Variants in RBM42 observed in about 807,000 individuals in gnomAD.
RBM42 encodes the protein RNA binding motif protein 42.
Under a neutral mutation model 41.4 loss-of-function variants are expected in RBM42, and 21 were observed. That is an observed-to-expected ratio of 0.51 (90% CI 0.36 to 0.73). The LOEUF (loss-of-function observed/expected upper bound fraction) is 0.73, where lower values mean the gene tolerates loss of function less well. Ranked by LOEUF, RBM42 falls within the 30% of genes least tolerant of loss-of-function variation. The pLI, the probability that RBM42 is intolerant of heterozygous loss-of-function variation, is 0.00. For missense variants in RBM42, 539 were observed against 680.4 expected (o/e 0.79, Z 2.31); for synonymous variants, 272 against 271.2 (o/e 1.00, Z -0.03).
chr19:35,633,789 A>C lies in RBM42; in HGVS notation c.787A>C (p.Ser263Arg). 6.7e-7 allele frequency: 1 copy of C among 1,500,298 alleles called. No homozygotes were observed. Among genetic ancestry groups the C allele is most frequent in the Non-Finnish European group, 8.8e-7 (1 of 1,132,096 alleles). The allele number at this position is 1,500,298 out of a possible 1,614,324, so 92.9% of individuals were successfully genotyped here. ...VAAAAGLEEASAAVAVGAGGA... is the reference protein window; with the variant it reads ...VAAAAGLEEARAAVAVGAGGA... Reference sequence around the variant, plus strand: ...GGCGGCGGCTGGGCTGGAGGAGGCTAGCGCGGCTGTGGCCGTGGGGGCAGG... The same window carrying C: ...GGCGGCGGCTGGGCTGGAGGAGGCTCGCGCGGCTGTGGCCGTGGGGGCAGG... The change falls in exon 7 of 10, where the codon AGC (serine) becomes CGC (arginine). Residue 263 changes from serine to arginine, a missense_variant. Coordinates refer to ENST00000262633, the MANE Select transcript of RBM42 (RefSeq NM_024321.5).
Position 35,629,503 on chromosome 19 carries a change from C to T in RBM42, c.129-17C>T, listed in dbSNP as rs2146347717. ...GGTACGAGGTCCTGAGCGCTGATGT[C>T]TGTTCTACTCCTCCAGGTTTGAGCA... On this transcript the variant is annotated splice_polypyrimidine_tract_variant and intron_variant, in intron 1 of 9. Transcript: ENST00000262633. 5 of 1,613,850 alleles carry T rather than the reference C, an allele frequency of 3.1e-6. No individual in the cohort carries two copies. Among genetic ancestry groups the T allele is most frequent in the Non-Finnish European group, 3.4e-6 (4 of 1,179,842 alleles).
intron 7 of RBM42, 66 bp from the exon 8 acceptor site, chr19:35,634,190 G>C: frequency 6.3e-7 from 1 of 1,576,312 alleles, no homozygotes; most frequent in Non-Finnish European, 8.7e-7. Context: ...CAGGAGGGCC[G>C]GGGACCAAAG....
chr19:35,637,636 A>G lies in RBM42; in HGVS notation c.*82A>G. ...CTCTTTGGAAAACCCCCAGCTGTCCACCCATCCCCTGCCCCAAAACCAGTT... is the reference window on the plus strand; with the variant it reads ...CTCTTTGGAAAACCCCCAGCTGTCCGCCCATCCCCTGCCCCAAAACCAGTT... On this transcript the variant is annotated 3_prime_UTR_variant, in exon 10 of 10. Coordinates refer to ENST00000262633, the MANE Select transcript of RBM42 (RefSeq NM_024321.5). This position sits in a 1 kb window ranked among gnomAD's most constrained non-coding sequence, Gnocchi z 7.0. The G allele has an allele frequency of 9.5e-7, 1 of 1,051,250 alleles. No individual in the cohort carries two copies. The highest frequency in any genetic ancestry group is 1.6e-5 in the African/African-American group (1 of 62,112). The allele number at this position is 1,051,250 out of a possible 1,614,324, so 65.1% of individuals were successfully genotyped here.
intron 7 of RBM42, 23 bp downstream of exon 7, chr19:35,634,042 A>G: frequency 6.8e-7 from 1 of 1,464,732 alleles, no homozygotes; most frequent in Non-Finnish European, 9.0e-7. Flanking sequence ...CCTAGCGGTG[A>G]AGGGACAGAA....
chr19:35,629,580 GCCCACTGTC>G lies in RBM42; in HGVS notation c.195_203del (p.Pro70_Val72del), dbSNP rs769283488. ...GAATCCCAACTGCTGTGCCTGCGGT[GCCCACTGTC>G]CCCACGGTCCCCACAGTAGAAGCGA... On this transcript the variant is annotated inframe_deletion, in exon 2 of 10. Coordinates refer to ENST00000262633, the MANE Select transcript of RBM42 (RefSeq NM_024321.5). 164 of 1,614,208 alleles carry G rather than the reference GCCCACTGTC, an allele frequency of 1.0e-4. No individual in the cohort carries two copies. The highest frequency in any genetic ancestry group is 1.5e-4 in the Admixed American group (9 of 60,028).
At position 35,634,031 on chromosome 19, in the gene RBM42, G is replaced by C. The variant is rs1242914293; in HGVS notation, c.1017+12G>C. 1.3e-6 allele frequency: 2 copies of C among 1,486,238 alleles called. No homozygotes were observed. Among genetic ancestry groups the C allele is most frequent in the African/African-American group, 2.8e-5 (2 of 71,214 alleles). 92.1% of individuals were successfully genotyped at this position (1,486,238 alleles called of 1,614,324 possible). On this transcript the variant is annotated intron_variant, in intron 7 of 9. Coordinates refer to ENST00000262633, the MANE Select transcript of RBM42 (RefSeq NM_024321.5). ...TCATGGCTCTTGAGGTAAGCAGGGA[G>C]CCTAGCGGTGAAGGGACAGAAGGGA... is the stretch of plus-strand genomic sequence containing the variant.
intron 5 of RBM42, 30 bp from the exon 6 acceptor site, chr19:35,633,047 C>A: frequency 6.2e-7 from 1 of 1,606,680 alleles, no homozygotes; most frequent in Non-Finnish European, 8.5e-7. Context: ...TCCCCCCAGG[C>A]CCTGGAACTC....
chr19:35,630,034 C>T (rs1365207430), intron 2 of RBM42, among the ~76,000 whole-genome samples: 1 of 152,078 alleles, frequency 6.6e-6, no homozygotes, highest in Non-Finnish European at 1.5e-5. Context: ...ATAGGCTGGG[C>T]GCTGGGCGTG....
intron 8 of RBM42, among the ~76,000 whole-genome samples, chr19:35,634,674 T>TA (rs34779413): frequency 1.1e-4 from 17 of 150,138 alleles, no homozygotes; most frequent in Admixed American, 4.0e-4. Flanking sequence ...TTTTTTTTTT[T>TA]ATGAGACAGA....
intron 2 of RBM42, among the ~76,000 whole-genome samples, 194 bp downstream of exon 2, chr19:35,629,867 A>G (rs2146347999): frequency 6.6e-6 from 1 of 152,344 alleles, no homozygotes. Context: ...ATTCTAGAAC[A>G]TGTTGTCCAG....
Position 35,637,275 on chromosome 19 carries a change from C to A in RBM42, c.1253C>A (p.Thr418Lys). The change falls in exon 9 of 10, where the codon ACA becomes AAA. Residue 418 changes from threonine (T) to lysine (K), a missense_variant. By Grantham distance (78) the Thr-to-Lys change is moderately conservative. Transcript: ENST00000262633. The surrounding 1 kb of genome is among the most constrained non-coding windows in gnomAD (Gnocchi z 7.0). The stretch of plus-strand genomic sequence containing the variant: ...GCCAAGGTGATCCGTGACAAGCGCA[C>A]AGGCAAGACCAAGGGCTACGGCTTC... ...LKAKVIRDKR[T>K]GKTKGYGFVS... The A allele has an allele frequency of 1.2e-6, 2 of 1,614,248 alleles. No individual in the cohort carries two copies. The highest frequency in any genetic ancestry group is 1.7e-6 in the Non-Finnish European group (2 of 1,180,050).
Position 35,633,884 on chromosome 19 carries a change from G to A in RBM42, c.882G>A (p.Glu294=), listed in dbSNP as rs1358324628. 6.3e-7 allele frequency: 1 copy of A among 1,595,320 alleles called. No individual in the cohort carries two copies. The highest frequency in any genetic ancestry group is 8.5e-7 in the Non-Finnish European group (1 of 1,174,902). The stretch of plus-strand genomic sequence containing the variant: ...TGGCCCTGGCCATGCCATTGCCCGA[G>A]CCTGAGCCCCTGCCCCTCCCGTTGG... ...LPLALAMPLP[E]PEPLPLPLEV... is the part of the protein sequence containing the mutation. The change falls in exon 7 of 10, where the codon GAG becomes GAA. Residue 294 remains glutamate, a synonymous_variant. Transcript: ENST00000262633.
chr19:35,634,801 GGCATGA>G (rs1278756453), intron 8 of RBM42, among the ~76,000 whole-genome samples: 1 of 151,502 alleles, frequency 6.6e-6, no homozygotes, highest in Non-Finnish European at 1.5e-5. Flanking sequence ...TGGGATTACA[GGCATGA>G]GCCACTGTAC....
At position 35,629,295 on chromosome 19, in the gene RBM42, C is replaced by T; in HGVS notation, c.128+14C>T. 1 of 1,514,548 alleles carries T rather than the reference C, an allele frequency of 6.6e-7. No individual in the cohort carries two copies. 93.8% of individuals were successfully genotyped at this position (1,514,548 alleles called of 1,614,324 possible). A position where few individuals can be genotyped will look rare whatever the true frequency, so the allele number is the denominator to read the frequency against. On this transcript the variant is annotated intron_variant, in intron 1 of 9. Coordinates refer to ENST00000262633, the MANE Select transcript of RBM42 (RefSeq NM_024321.5). ...GGAGATGGCCCTGTAAGGCCCGCGA[C>T]AGAGAGTGATAAAAGTCGTCCCAGA... is the stretch of plus-strand genomic sequence containing the variant.
Position 35,633,987 on chromosome 19 carries a change from C to T in RBM42, c.985C>T (p.Pro329Ser), listed in dbSNP as rs1445726127. The T allele has an allele frequency of 1.3e-6, 2 of 1,530,776 alleles. No individual in the cohort carries two copies. Among genetic ancestry groups the T allele is most frequent in the Non-Finnish European group, 1.7e-6 (2 of 1,144,158 alleles). 94.8% of individuals were successfully genotyped at this position (1,530,776 alleles called of 1,614,324 possible). ...GCGTCCTCGGCCCCGGCCCCCTCGG[C>T]CAGAGCCACCCCCAGGCCTCATGGC... Reference protein sequence around the residue: ...SLRPRPRPPRPEPPPGLMALE... With the variant: ...SLRPRPRPPRSEPPPGLMALE... The change falls in exon 7 of 10, where the codon CCA (proline) becomes TCA (serine). Residue 329 changes from proline (P) to serine (S), a missense_variant. Transcript: ENST00000262633.
At chr19:35,633,281 G>A in intron 6 of RBM42, 29 bp downstream of exon 6, 3 of 1,512,214 alleles carry the variant, frequency 2.0e-6, no homozygotes, top group Non-Finnish European at 2.7e-6. Flanking sequence ...CTAACGGTCA[G>A]ATGTGCGGTG....
chr19:35,637,539 G>T lies in RBM42; in HGVS notation c.1428G>T (p.Lys476Asn). The T allele has an allele frequency of 6.2e-7, 1 of 1,614,196 alleles. No individual in the cohort carries two copies. The highest frequency in any genetic ancestry group is 8.5e-7 in the Non-Finnish European group (1 of 1,180,002). Residue 476 changes from lysine to asparagine, a missense_variant, in exon 10 of 10, where the codon AAG becomes AAT. Coordinates refer to ENST00000262633, the MANE Select transcript of RBM42 (RefSeq NM_024321.5). The surrounding 1 kb of genome is among the most constrained non-coding windows in gnomAD (Gnocchi z 7.0). ...GCAAGAAGCAGAAGGAAAAGAAGAA[G>T]CTGGGCCTGAGATAGGGTCTGTGGC... ...VVRKKQKEKK[K>N]LGLR is the part of the protein sequence containing the mutation.
rs147020112 is a variant in RBM42, at chr19:35,633,920, C to A, written c.918C>A (p.Arg306=). Residue 306 remains arginine, a synonymous_variant, in exon 7 of 10, where the codon CGC becomes CGA. Transcript: ENST00000262633. The part of the protein sequence containing the change: ...EPLPLPLEVV[R]GLLPPLRIPE... ...TGCCCCTCCCGTTGGAGGTCGTCCG[C>A]GGCCTCCTGCCCCCGCTGCGCATTC... 3,595 of 1,590,240 alleles carry A rather than the reference C, an allele frequency of 2.3e-3. 79 individuals carry two copies. The African/African-American group carries it at 0.044, about 20-fold the overall frequency.
intron 2 of RBM42, 45 bp from the exon 3 acceptor site, chr19:35,631,095 G>C (rs1450826839): frequency 6.5e-7 from 1 of 1,542,796 alleles, no homozygotes; most frequent in African/African-American, 1.4e-5. Context: ...CGCAGCAGAT[G>C]GGAATGCTGA....
Sources: allele counts gnomAD v4.1 joint callset (sites outside exome capture counted in the v4.1 genomes callset), GRCh38; gene constraint gnomAD v4.1.1; non-coding constraint Gnocchi (gnomAD v3.1); transcripts MANE v1.5; gene names NCBI Gene and HGNC (gene_info 2026-07-23, HGNC 2026-07-21).